The following SCAPER variants were observed in gnomAD, a reference collection of about 807,000 sequenced individuals.
SCAPER encodes the protein S-phase cyclin A associated protein in the ER.
Under a neutral mutation model 182.2 loss-of-function variants are expected in SCAPER, and 98 were observed. The observed-to-expected ratio is 0.54, with a 90% CI of 0.46 to 0.64. The LOEUF (loss-of-function observed/expected upper bound fraction) is 0.64. Ranked by LOEUF, SCAPER falls within the 30% of genes least tolerant of loss-of-function variation. SCAPER has a pLI of 0.00. For missense variants in SCAPER, 1,432 were observed against 1,690.0 expected, an observed-to-expected ratio of 0.85 and a Z score of 2.68; for synonymous variants, 605 against 564.6, an observed-to-expected ratio of 1.07 and a Z score of -1.01.
intron 26 of SCAPER, among the ~76,000 whole-genome samples, chr15:76,426,206 C>T (rs79342464): frequency 6.6e-6 from 1 of 152,328 alleles, no homozygotes; most frequent in East Asian, 1.9e-4. Context: ...GCCCTGCCCC[C>T]AGAGGTGGAG....
rs1217868807 is a variant in SCAPER, at chr15:76,434,312, T to C, written c.3079-2A>G. 2 of 1,583,376 alleles carry C rather than the reference T, an allele frequency of 1.3e-6. No homozygotes were observed. The highest frequency in any genetic ancestry group is 1.7e-6 in the Non-Finnish European group (2 of 1,161,904). On this transcript the variant is annotated splice_acceptor_variant, in intron 25 of 31. Coordinates refer to ENST00000563290, the MANE Select transcript of SCAPER (RefSeq NM_020843.4). LOFTEE classifies it high-confidence loss of function. ...ATTATTTTCATCTGGAACATAAACCTAGATGAAAAAAAAGTACAGTAAATA... is the reference window on the plus strand; with the variant it reads ...ATTATTTTCATCTGGAACATAAACCCAGATGAAAAAAAAGTACAGTAAATA...
In SCAPER at chr15:76,834,344, C is replaced by T. The variant is rs1408714898; in HGVS notation, c.393+7390G>A. On this transcript the variant is annotated intron_variant, in intron 5 of 31. Transcript: ENST00000563290. ...TAAGAGCATCTCTTGGACACAGCTACAGCAATAGTAAGAGGAAAGTTTATA... is the reference window on the plus strand; with the variant it reads ...TAAGAGCATCTCTTGGACACAGCTATAGCAATAGTAAGAGGAAAGTTTATA... Among the ~76,000 whole-genome samples the T allele has an allele frequency of 2.6e-5, 4 of 152,226 alleles. No homozygotes were observed. The East Asian group carries it at 5.8e-4, about 22-fold the overall frequency.
intron 4 of SCAPER, among the ~76,000 whole-genome samples, chr15:76,848,322 GGTTT>G (rs2070338685): frequency 9.9e-6 from 1 of 100,864 alleles, no homozygotes. Flanking sequence ...TTTTTTTTGG[GGTTT>G]TTTTTTTTTT....
In SCAPER at chr15:76,787,379, A is replaced by T. The variant is rs547890376; in HGVS notation, c.772+7901T>A. Among the ~76,000 whole-genome samples the T allele has an allele frequency of 3.9e-5, 6 of 152,124 alleles. No individual in the cohort carries two copies. In the East Asian group the frequency reaches 1.2e-3, roughly 29 times the overall value. On this transcript the variant is annotated intron_variant, in intron 8 of 31. Coordinates refer to ENST00000563290, the MANE Select transcript of SCAPER (RefSeq NM_020843.4). ...TGCAATTCAACAGAGAAAGAAAAGA[A>T]TTTTTCTTTTATTTATTTATTTTTA...
intron 26 of SCAPER, among the ~76,000 whole-genome samples, chr15:76,431,367 T>C (rs906526930): frequency 5.3e-5 from 8 of 152,120 alleles, no homozygotes; most frequent in Non-Finnish European, 5.9e-5. Flanking sequence ...TTTCCAAGAA[T>C]GGCTTAGATG....
chr15:76,711,826 T>C (rs999564806), intron 17 of SCAPER, among the ~76,000 whole-genome samples: 8 of 152,170 alleles, frequency 5.3e-5, no homozygotes, highest in African/African-American at 1.4e-4. Context: ...CATTGTAGAT[T>C]CTGGATATTA....
chr15:76,675,558 A>G (rs2057320354), intron 20 of SCAPER, among the ~76,000 whole-genome samples: 1 of 152,180 alleles, frequency 6.6e-6, no homozygotes, highest in African/African-American at 2.4e-5. Context: ...CAGAAGCTGA[A>G]CCTTCTAAGT....
chr15:76,894,808 A>G (rs1010673720), intron 1 of SCAPER, among the ~76,000 whole-genome samples: 2 of 152,178 alleles, frequency 1.3e-5, no homozygotes, highest in Non-Finnish European at 2.9e-5. Flanking sequence ...AACTCCTAGA[A>G]ATATACAACC....
chr15:76,872,437 A>C (rs1270479091), intron 2 of SCAPER, among the ~76,000 whole-genome samples: 1 of 152,158 alleles, frequency 6.6e-6, no homozygotes, highest in Admixed American at 6.5e-5. Context: ...AGAAAATCTT[A>C]ACAGTGTACA....
intron 29 of SCAPER, among the ~76,000 whole-genome samples, chr15:76,362,175 G>GT (rs2041471232): frequency 1.3e-5 from 2 of 152,008 alleles, no homozygotes; most frequent in Admixed American, 1.3e-4. Flanking sequence ...GTTTCACCAT[G>GT]TTGGCCAGGC....
At chr15:76,809,316 C>G (rs2066417111) in intron 5 of SCAPER, among the ~76,000 whole-genome samples, 1 of 152,068 alleles carries the variant, frequency 6.6e-6, no homozygotes, top group Admixed American at 6.5e-5. Flanking sequence ...TGTGACTTAT[C>G]ACATAGAGAA....
intron 25 of SCAPER, among the ~76,000 whole-genome samples, chr15:76,444,268 T>TA (rs1362057678): frequency 6.6e-6 from 1 of 152,196 alleles, no homozygotes; most frequent in Non-Finnish European, 1.5e-5. Context: ...CTTCAGTTAA[T>TA]AATGTAAAAA....
rs576717007 is a variant in SCAPER at position 76,541,576 on chromosome 15, A to C, written c.2838+32582T>G. On this transcript the variant is annotated intron_variant, in intron 23 of 31. Transcript: ENST00000563290. ...GGGCTTACGGATTCCTTGACTTGCT[A>C]GTTAACAGGAGAATTACTGCCCACT... is the stretch of plus-strand genomic sequence containing the variant. Among the ~76,000 whole-genome samples, 18 of 152,322 alleles carry C rather than the reference A, an allele frequency of 1.2e-4. No homozygotes were observed. The East Asian group carries it at 3.5e-3, about 29-fold the overall frequency.
At chr15:76,502,110 T>G (rs2041177286) in intron 24 of SCAPER, among the ~76,000 whole-genome samples, 1 of 152,220 alleles carries the variant, frequency 6.6e-6, no homozygotes, top group South Asian at 2.1e-4. Context: ...CCCACAGCTC[T>G]GGGTGCTAGA....
At chr15:76,655,836 C>T (rs1257242065) in intron 21 of SCAPER, among the ~76,000 whole-genome samples, 1 of 152,084 alleles carries the variant, frequency 6.6e-6, no homozygotes, top group Non-Finnish European at 1.5e-5. Context: ...GAAATAAGAT[C>T]CTTTTCAGAC....
At chr15:76,888,555 C>T (rs532895767) in intron 1 of SCAPER, among the ~76,000 whole-genome samples, 3 of 151,994 alleles carry the variant, frequency 2.0e-5, no homozygotes, top group Admixed American at 2.0e-4. Flanking sequence ...CCGATTCAAT[C>T]AAGTGGAAGA....
intron 24 of SCAPER, among the ~76,000 whole-genome samples, chr15:76,497,331 T>C (rs1023495926): frequency 6.6e-6 from 1 of 152,090 alleles, no homozygotes; most frequent in African/African-American, 2.4e-5. Context: ...ATAAATCCTA[T>C]CTTGCTGGCT....
At chr15:76,858,181 A>C (rs1343355728) in intron 3 of SCAPER, among the ~76,000 whole-genome samples, 1 of 152,236 alleles carries the variant, frequency 6.6e-6, no homozygotes, top group East Asian at 1.9e-4. Context: ...GACAACTTTT[A>C]AAAACAAAGT....
intron 5 of SCAPER, among the ~76,000 whole-genome samples, chr15:76,827,889 T>C (rs2068140923): frequency 6.6e-6 from 1 of 152,226 alleles, no homozygotes; most frequent in Non-Finnish European, 1.5e-5. Flanking sequence ...TATTTGTCTC[T>C]TAAAAACTCA....
Sources: allele counts gnomAD v4.1 joint callset (sites outside exome capture counted in the v4.1 genomes callset), GRCh38; gene constraint gnomAD v4.1.1; transcripts MANE v1.5; gene names NCBI Gene and HGNC (gene_info 2026-07-23, HGNC 2026-07-21).